The following CTNND2 variants were observed in gnomAD, a reference collection of about 807,000 sequenced individuals.
The protein encoded by CTNND2 is catenin delta 2.
CTNND2 carries 22 observed loss-of-function variants against 144.4 expected under a neutral mutation model. That is an observed-to-expected ratio of 0.15 (90% CI 0.11 to 0.22). The LOEUF is 0.22. Among genes scored for constraint, CTNND2 ranks in the 10% least tolerant of loss-of-function variants. The pLI is 1.00. For missense variants in CTNND2, 1,353 were observed against 1,618.8 expected (o/e 0.84, Z 2.82); for synonymous variants, 751 against 695.6 (o/e 1.08, Z -1.25).
intron 9 of CTNND2, among the ~76,000 whole-genome samples, chr5:11,269,330 T>C (rs974624114): frequency 1.1e-4 from 16 of 152,214 alleles, no homozygotes; most frequent in African/African-American, 3.9e-4. Context: ...TATAACACTT[T>C]GGGGCCCTTG....
At chr5:11,100,189 C>T (rs1246383123) in intron 14 of CTNND2, among the ~76,000 whole-genome samples, 1 of 152,160 alleles carries the variant, frequency 6.6e-6, no homozygotes, top group East Asian at 1.9e-4. Flanking sequence ...ATAAGCTAAA[C>T]TGCATGTCTT....
intron 15 of CTNND2, among the ~76,000 whole-genome samples, chr5:11,083,293 G>T (rs1749790109): frequency 6.6e-6 from 1 of 152,218 alleles, no homozygotes; most frequent in African/African-American, 2.4e-5. Flanking sequence ...GGGGCACACA[G>T]GTGAGTTGCT....
chr5:11,240,723 ACACT>A (rs1399989211), intron 9 of CTNND2, among the ~76,000 whole-genome samples: 9 of 143,004 alleles, frequency 6.3e-5, no homozygotes, highest in African/African-American at 1.3e-4. Context: ...CCCAAAACAC[ACACT>A]CAGCACACAC....
At chr5:11,833,521 T>C (rs1794017913) in intron 1 of CTNND2, among the ~76,000 whole-genome samples, 1 of 151,958 alleles carries the variant, frequency 6.6e-6, no homozygotes, top group Non-Finnish European at 1.5e-5. Context: ...ATGATGAAAC[T>C]ATTTTGTTTT....
chr5:11,788,625 T>C (rs1349792281), intron 1 of CTNND2, among the ~76,000 whole-genome samples: 2 of 152,172 alleles, frequency 1.3e-5, no homozygotes, highest in Non-Finnish European at 1.5e-5. Context: ...ATGCAATCCA[T>C]GTAAATAAAA....
chr5:11,285,096 T>C (rs1226510242), intron 9 of CTNND2, among the ~76,000 whole-genome samples: 1 of 152,200 alleles, frequency 6.6e-6, no homozygotes. Context: ...CCACCTTTGA[T>C]ATCTGATTCC....
intron 3 of CTNND2, among the ~76,000 whole-genome samples, chr5:11,477,079 A>G (rs1767813110): frequency 6.6e-6 from 1 of 152,220 alleles, no homozygotes; most frequent in African/African-American, 2.4e-5. Flanking sequence ...TGTCAAGAAG[A>G]ATGAGACTGT....
chr5:11,239,799 G>C (rs899572027), intron 9 of CTNND2, among the ~76,000 whole-genome samples: 1 of 152,106 alleles, frequency 6.6e-6, no homozygotes, highest in Non-Finnish European at 1.5e-5. Flanking sequence ...CAACTTCCTC[G>C]GGGAATCCCG....
At chr5:11,250,968 G>A (rs1743581381) in intron 9 of CTNND2, among the ~76,000 whole-genome samples, 2 of 152,128 alleles carry the variant, frequency 1.3e-5, no homozygotes, top group South Asian at 2.1e-4. Context: ...AATTAAGAAC[G>A]ATGGTTTCTT....
At chr5:11,597,080 T>C (rs976326211) in intron 2 of CTNND2, among the ~76,000 whole-genome samples, 2 of 152,210 alleles carry the variant, frequency 1.3e-5, no homozygotes, top group Non-Finnish European at 2.9e-5. Context: ...CTCACAGATA[T>C]GGCAGCACTG....
rs886784801 is a variant in CTNND2 at position 10,988,512 on chromosome 5, C to T, written c.3212-270G>A. Among the ~76,000 whole-genome samples, 1 of 152,146 alleles carries T rather than the reference C, an allele frequency of 6.6e-6. No individual in the cohort carries two copies. Among genetic ancestry groups the T allele is most frequent in the Non-Finnish European group, 1.5e-5 (1 of 68,028 alleles). ...GACCACATCCTGGGGCCATCTTCCT[C>T]AGAGAGAGATCATGGAGGGGACGTG... On this transcript the variant is annotated intron_variant, in intron 19 of 21. Transcript: ENST00000304623. This position sits in a 1 kb window ranked among gnomAD's most constrained non-coding sequence, Gnocchi z 5.9.
intron 18 of CTNND2, among the ~76,000 whole-genome samples, chr5:11,012,275 T>C (rs1019334413): frequency 2.0e-5 from 3 of 152,048 alleles, no homozygotes; most frequent in Non-Finnish European, 4.4e-5. Context: ...ACAGACTTCA[T>C]GAAAGGCCAT....
intron 9 of CTNND2, among the ~76,000 whole-genome samples, chr5:11,344,912 G>A (rs1461981755): frequency 1.3e-5 from 2 of 152,138 alleles, no homozygotes; most frequent in East Asian, 3.8e-4. Flanking sequence ...GCTACAGCTA[G>A]AGAAATATAA....
At chr5:11,283,703 A>AC (rs1747414704) in intron 9 of CTNND2, among the ~76,000 whole-genome samples, 1 of 149,526 alleles carries the variant, frequency 6.7e-6, no homozygotes. Flanking sequence ...AAAAAAAAAA[A>AC]AAAGAGAGAG....
In CTNND2 at chr5:11,903,997, G is replaced by A; in HGVS notation, c.-144C>T. Reference sequence around the variant, plus strand: ...CGCGGCCGCGGGACAAGGGATGCTGGCGGGCGGCAGGGGCGAGCGCCGCGG... The same window carrying A: ...CGCGGCCGCGGGACAAGGGATGCTGACGGGCGGCAGGGGCGAGCGCCGCGG... On this transcript the variant is annotated 5_prime_UTR_variant, in exon 1 of 22. Coordinates refer to ENST00000304623, the MANE Select transcript of CTNND2 (RefSeq NM_001332.4). This position sits in a 1 kb window ranked among gnomAD's most constrained non-coding sequence, Gnocchi z 5.4. The A allele has an allele frequency of 1.0e-6, 1 of 997,786 alleles. No individual in the cohort carries two copies. The highest frequency in any genetic ancestry group is 1.3e-6 in the Non-Finnish European group (1 of 774,466). The allele number at this position is 997,786 out of a possible 1,614,324, so 61.8% of individuals were successfully genotyped here.
At chr5:11,568,199 G>T (rs2150111662) in intron 2 of CTNND2, among the ~76,000 whole-genome samples, 1 of 152,272 alleles carries the variant, frequency 6.6e-6, no homozygotes, top group East Asian at 1.9e-4. Flanking sequence ...CCTGGTCTCT[G>T]CTAGTTTCCT....
rs1186534680 is a variant in CTNND2 at position 11,431,295 on chromosome 5, T to C, written c.288-19226A>G. Among the ~76,000 whole-genome samples, 3 of 152,180 alleles carry C rather than the reference T, an allele frequency of 2.0e-5. No homozygotes were observed. In the East Asian group the frequency reaches 5.8e-4, roughly 29 times the overall value. ...ATAGAGGTCAGGAAAGCAACCTGGT[T>C]GGTTAAACAGGTCTAGTTAGTTAAC... On this transcript the variant is annotated intron_variant, in intron 3 of 21. Transcript: ENST00000304623.
chr5:11,596,056 A>G (rs1396374378), intron 2 of CTNND2, among the ~76,000 whole-genome samples: 1 of 152,234 alleles, frequency 6.6e-6, no homozygotes, highest in Admixed American at 6.5e-5. Context: ...ACTTTGCAGA[A>G]TGCAAAATTT....
chr5:11,764,576 G>C (rs974272683), intron 1 of CTNND2, among the ~76,000 whole-genome samples: 8 of 152,236 alleles, frequency 5.3e-5, no homozygotes, highest in African/African-American at 1.9e-4. Context: ...CCTAACTCCT[G>C]GCTTTTGGAC....
Sources: allele counts gnomAD v4.1 joint callset (sites outside exome capture counted in the v4.1 genomes callset), GRCh38; gene constraint gnomAD v4.1.1; non-coding constraint Gnocchi (gnomAD v3.1); transcripts MANE v1.5; gene names NCBI Gene and HGNC (gene_info 2026-07-23, HGNC 2026-07-21).